The following FLT3 variants were observed in gnomAD, a reference collection of about 807,000 sequenced individuals.
The protein encoded by FLT3 is fms related receptor tyrosine kinase 3.
FLT3 carries 46 observed loss-of-function variants against 126.6 expected under a neutral mutation model. The ratio of observed to expected loss-of-function variants is 0.36; its 90% CI spans 0.29 to 0.46. The LOEUF is 0.46. Among genes scored for constraint, FLT3 ranks in the 20% least tolerant of loss-of-function variants. The probability of loss-of-function intolerance (pLI) is 1.00; values close to 1 mark genes in which losing one functional copy is unlikely to be tolerated. For missense variants in FLT3, 1,069 were observed against 1,190.3 expected, an observed-to-expected ratio of 0.90 and a Z score of 1.50; for synonymous variants, 404 against 434.4, an observed-to-expected ratio of 0.93 and a Z score of 0.87.
At chr13:28,070,468 G>T (rs1877403530) in intron 2 of FLT3, 23 bp downstream of exon 2, 1 of 1,596,994 alleles carries the variant, frequency 6.3e-7, no homozygotes, top group Non-Finnish European at 8.6e-7. Flanking sequence ...ACAGCTAAAG[G>T]TATAATTTTA....
At chr13:28,088,305 T>A (rs1878810121) in intron 1 of FLT3, among the ~76,000 whole-genome samples, 1 of 151,964 alleles carries the variant, frequency 6.6e-6, no homozygotes, top group Non-Finnish European at 1.5e-5. Context: ...TTTTTTTTTT[T>A]AAGACGGAGT....
At chr13:28,080,947 T>G (rs1248538125) in intron 1 of FLT3, among the ~76,000 whole-genome samples, 1 of 152,208 alleles carries the variant, frequency 6.6e-6, no homozygotes, top group Non-Finnish European at 1.5e-5. Context: ...CATATATTTT[T>G]GGTCAGTTTC....
intron 1 of FLT3, among the ~76,000 whole-genome samples, chr13:28,091,207 C>CTATT (rs1879013998): frequency 2.7e-5 from 1 of 36,580 alleles, no homozygotes; most frequent in South Asian, 1.4e-3. Flanking sequence ...GCCCCATTTT[C>CTATT]TTTTTTTTTT....
chr13:28,022,713 T>C (rs1014491818), intron 19 of FLT3, among the ~76,000 whole-genome samples: 2 of 151,550 alleles, frequency 1.3e-5, no homozygotes, highest in African/African-American at 4.8e-5. Flanking sequence ...GGAAGGAAGG[T>C]AGCCAGAGAG....
intron 5 of FLT3, among the ~76,000 whole-genome samples, chr13:28,052,071 CTTAT>C (rs1311629339): frequency 6.6e-6 from 1 of 151,508 alleles, no homozygotes; most frequent in East Asian, 1.9e-4. Flanking sequence ...TTCTGTATTA[CTTAT>C]TTATTTTATT....
At chr13:28,063,905 C>T (rs768494715) in intron 2 of FLT3, among the ~76,000 whole-genome samples, 148 of 152,202 alleles carry the variant, frequency 9.7e-4, no homozygotes, top group Non-Finnish European at 1.5e-3. Flanking sequence ...ATTTCTAAGC[C>T]GGATGTTTAA....
At chr13:28,073,412 G>A (rs779838813) in intron 1 of FLT3, 3 of 446,314 alleles carry the variant, frequency 6.7e-6, no homozygotes, top group Admixed American at 5.1e-5. Context: ...ATAGCGACAG[G>A]AGGTAATATA....
chr13:28,004,226 A>C (rs1870686323), intron 23 of FLT3, 52 bp from the exon 24 acceptor site: 1 of 1,572,894 alleles, frequency 6.4e-7, no homozygotes, highest in Non-Finnish European at 8.7e-7. Context: ...GTAGATGCAC[A>C]TGTTATGCGC....
chr13:28,036,183 C>A (rs1175462475), intron 10 of FLT3, 140 bp from the exon 11 acceptor site: 16 of 673,852 alleles, frequency 2.4e-5, no homozygotes, highest in African/African-American at 1.8e-4. Context: ...CACAGCAAGA[C>A]CCTGTCTCTG....
chr13:28,015,984 T>G (rs1871820596), intron 20 of FLT3, among the ~76,000 whole-genome samples: 1 of 152,166 alleles, frequency 6.6e-6, no homozygotes, highest in Non-Finnish European at 1.5e-5. Context: ...AAGAGGTACT[T>G]TCCATTAAGG....
intron 1 of FLT3, among the ~76,000 whole-genome samples, chr13:28,074,153 A>G (rs1471998151): frequency 6.6e-6 from 1 of 152,120 alleles, no homozygotes; most frequent in East Asian, 1.9e-4. Context: ...GGAATCACAC[A>G]GTATGAACTG....
chr13:28,068,930 C>T (rs1298863864), intron 2 of FLT3, among the ~76,000 whole-genome samples: 3 of 151,978 alleles, frequency 2.0e-5, no homozygotes, highest in Admixed American at 2.0e-4. Flanking sequence ...AGTAAATTTA[C>T]TAAATATATG....
chr13:28,012,349 A>G (rs1003032745), intron 23 of FLT3, among the ~76,000 whole-genome samples: 1 of 151,988 alleles, frequency 6.6e-6, no homozygotes, highest in Non-Finnish European at 1.5e-5. Flanking sequence ...TGGGGACAGG[A>G]AAGGAGAAGC....
In FLT3 at chr13:28,018,507, C is replaced by A; in HGVS notation, c.2501G>T (p.Arg834Leu). 1.2e-6 allele frequency: 2 copies of A among 1,614,120 alleles called. No individual in the cohort carries two copies. The highest frequency in any genetic ancestry group is 1.7e-6 in the Non-Finnish European group (2 of 1,179,988). ...ATAGTTGGAATCACTCATGATATCT[C>A]GAGCCAATCCAAAGTCACATATCTT... Reference protein sequence around the residue: ...VVKICDFGLARDIMSDSNYVV... With the variant: ...VVKICDFGLALDIMSDSNYVV... The change falls in exon 20 of 24, where the codon CGA (arginine) becomes CTA (leucine). Residue 834 changes from arginine (R) to leucine (L), a missense_variant. Arg to Leu is a moderately radical substitution (Grantham distance 102, BLOSUM62 -2). Transcript: ENST00000241453.
At position 28,049,485 on chromosome 13, in the gene FLT3, A is replaced by G. The variant is rs1451041380; in HGVS notation, c.935T>C (p.Ile312Thr). ...CACTGATGATACAAAAGCAAACAGA[A>G]TCCGTATCATAGTTCTGTTTGTTGA... ...TYSTNRTMIR[I>T]LFAFVSSVAR... The change falls in exon 8 of 24, where the codon ATT becomes ACT. Residue 312 changes from isoleucine to threonine, a missense_variant. By Grantham distance (89) the Ile-to-Thr change is moderately conservative (BLOSUM62 -1). Coordinates refer to ENST00000241453, the MANE Select transcript of FLT3 (RefSeq NM_004119.3). 1 of 1,613,870 alleles carries G rather than the reference A, an allele frequency of 6.2e-7. No individual in the cohort carries two copies. The highest frequency in any genetic ancestry group is 1.7e-5 in the Admixed American group (1 of 60,010).
intron 1 of FLT3, among the ~76,000 whole-genome samples, chr13:28,079,080 CA>C (rs1878152631): frequency 6.6e-6 from 1 of 152,188 alleles, no homozygotes; most frequent in East Asian, 1.9e-4. Flanking sequence ...GCTTCCCTTA[CA>C]AAACTGAATG....
intron 1 of FLT3, among the ~76,000 whole-genome samples, chr13:28,088,816 C>T (rs1396874284): frequency 6.6e-6 from 1 of 151,020 alleles, no homozygotes; most frequent in Non-Finnish European, 1.5e-5. Flanking sequence ...GAACTCCTGA[C>T]CTGGTGATCC....
chr13:28,052,697 C>T, intron 4 of FLT3, 23 bp from the exon 5 acceptor site: 1 of 1,500,034 alleles, frequency 6.7e-7, no homozygotes, highest in Middle Eastern at 1.7e-4. Context: ...AAGTTATTAA[C>T]ATTTTACTAT....
Position 28,037,258 on chromosome 13 carries a change from C to G in FLT3, c.1236G>C (p.Gln412His). 5 of 1,612,194 alleles carry G rather than the reference C, an allele frequency of 3.1e-6. No homozygotes were observed. The South Asian group carries it at 5.5e-5, about 18-fold the overall frequency. Residue 412 changes from glutamine to histidine, a missense_variant, in exon 10 of 24, where the codon CAG (glutamine) becomes CAC (histidine). Transcript: ENST00000241453. ...CTGCATGGAATATATATTCTCCTGG[C>G]TGGTGCTTATGATTGCAAAACTTGG... is the stretch of plus-strand genomic sequence containing the variant. ...SISKFCNHKH[Q>H]PGEYIFHAEN...
Sources: gnomAD v4.1 joint callset for allele counts (sites outside exome capture counted in the v4.1 genomes callset) on GRCh38, gnomAD v4.1.1 for gene constraint, MANE v1.5 for transcripts, NCBI Gene and HGNC (gene_info 2026-07-23, HGNC 2026-07-21) for gene names.